The following RUNX1T1 variants were observed in gnomAD, a reference collection of about 807,000 sequenced individuals.
RUNX1T1 encodes the protein protein CBFA2T1.
In RUNX1T1, 4 loss-of-function variants were observed where a neutral mutation model predicts 62.8. That is an observed-to-expected ratio of 0.06 (90% CI 0.03 to 0.15). The LOEUF (loss-of-function observed/expected upper bound fraction) is 0.15. Ranked by LOEUF, RUNX1T1 falls within the 10% of genes least tolerant of loss-of-function variation. The pLI is 1.00. For missense variants in RUNX1T1, 508 were observed against 754.3 expected (o/e 0.67, Z 3.82); for synonymous variants, 291 against 286.0 (o/e 1.02, Z -0.18).
chr8:92,054,438 T>C (rs1215382526), intron 1 of RUNX1T1, among the ~76,000 whole-genome samples: 1 of 152,196 alleles, frequency 6.6e-6, no homozygotes, highest in African/African-American at 2.4e-5. Context: ...CATCGCTGTC[T>C]ATAAAGAGGT....
At chr8:92,100,106 T>C (rs1223250837), upstream of RUNX1T1, among the ~76,000 whole-genome samples, 1 of 152,182 alleles carries the variant, frequency 6.6e-6, no homozygotes, top group Non-Finnish European at 1.5e-5. Context: ...GTCCTTGCAA[T>C]TTAATAGTGC....
intron 10 of RUNX1T1, among the ~76,000 whole-genome samples, chr8:91,960,929 A>G (rs964631738): frequency 4.6e-5 from 7 of 152,226 alleles, no homozygotes; most frequent in Non-Finnish European, 8.8e-5. Flanking sequence ...TCTTCCTTTT[A>G]GATACCAAAA....
chr8:92,064,658 C>T (rs1377179280), upstream of RUNX1T1, among the ~76,000 whole-genome samples: 1 of 151,968 alleles, frequency 6.6e-6, no homozygotes, highest in Non-Finnish European at 1.5e-5. Flanking sequence ...AGAAAGAAAA[C>T]ATTTTCACAG....
chr8:92,095,552 G>A (rs1837668732), intron 1 of RUNX1T1: 2 of 1,460,222 alleles, frequency 1.4e-6, no homozygotes, highest in Non-Finnish European at 1.8e-6. Flanking sequence ...GCAGGGCCCA[G>A]ATGGAGGCAG....
chr8:92,000,332 G>A (rs914024194), intron 5 of RUNX1T1, among the ~76,000 whole-genome samples: 2 of 151,946 alleles, frequency 1.3e-5, no homozygotes, highest in Non-Finnish European at 1.5e-5. Flanking sequence ...ATAAATAAAT[G>A]TAATTTTGTG....
chr8:92,038,097 C>G (rs929235115), intron 1 of RUNX1T1, among the ~76,000 whole-genome samples: 1 of 149,918 alleles, frequency 6.7e-6, no homozygotes, highest in African/African-American at 2.5e-5. Flanking sequence ...GGGTCTCACT[C>G]TGTTGTACAG....
intron 1 of RUNX1T1, among the ~76,000 whole-genome samples, chr8:92,051,561 C>T (rs949537540): frequency 6.6e-6 from 1 of 151,912 alleles, no homozygotes; most frequent in African/African-American, 2.4e-5. Context: ...TGCTCTCTCT[C>T]TCTCACATAC....
At chr8:91,971,599 T>A (rs1216904753) in intron 9 of RUNX1T1, among the ~76,000 whole-genome samples, 1 of 152,308 alleles carries the variant, frequency 6.6e-6, no homozygotes, top group Middle Eastern at 3.4e-3. Flanking sequence ...GTAATATAAA[T>A]ATGTGCCTTT....
intron 1 of RUNX1T1, among the ~76,000 whole-genome samples, chr8:92,087,438 T>C (rs1343078898): frequency 2.0e-5 from 3 of 152,180 alleles, no homozygotes; most frequent in South Asian, 2.1e-4. Flanking sequence ...CTATTCCTAT[T>C]GTATAACCTA....
intron 5 of RUNX1T1, among the ~76,000 whole-genome samples, chr8:91,996,547 G>A (rs986847875): frequency 4.6e-5 from 7 of 152,104 alleles, no homozygotes; most frequent in South Asian, 2.1e-4. Flanking sequence ...TCCTTACCAG[G>A]AGACATTTTC....
chr8:92,072,548 A>G (rs1437314654), intron 2 of RUNX1T1, among the ~76,000 whole-genome samples: 1 of 152,260 alleles, frequency 6.6e-6, no homozygotes, highest in Admixed American at 6.5e-5. Flanking sequence ...AGACCAAAAG[A>G]GAGAAGAATA....
chr8:92,029,915 A>C (rs1010044660), intron 1 of RUNX1T1, among the ~76,000 whole-genome samples: 3 of 152,206 alleles, frequency 2.0e-5, no homozygotes, highest in Admixed American at 2.0e-4. Context: ...ATTCTTAAAA[A>C]TCACTACACT....
At chr8:91,990,061 G>A (rs1162796238) in intron 6 of RUNX1T1, among the ~76,000 whole-genome samples, 2 of 151,894 alleles carry the variant, frequency 1.3e-5, no homozygotes, top group African/African-American at 2.4e-5. Context: ...CATTTGGGGA[G>A]TTGGGTGTAG....
At chr8:91,961,075 T>C (rs1009226430) in intron 10 of RUNX1T1, among the ~76,000 whole-genome samples, 2 of 152,226 alleles carry the variant, frequency 1.3e-5, no homozygotes, top group Non-Finnish European at 2.9e-5. Flanking sequence ...TCTATGTCTT[T>C]AGTTCTTTCA....
intron 10 of RUNX1T1, among the ~76,000 whole-genome samples, chr8:91,968,841 G>C (rs1017954166): frequency 4.6e-5 from 7 of 152,132 alleles, no homozygotes; most frequent in Non-Finnish European, 8.8e-5. Context: ...CAAGGTTCAA[G>C]CCATATACTA....
chr8:91,955,202 C>G (rs1809176626), downstream of RUNX1T1: 1 of 219,080 alleles, frequency 4.6e-6, no homozygotes. Flanking sequence ...AAAACTGTTT[C>G]CTATTTGTCC....
At chr8:92,049,206 GGCTGTTTCTCAGCAA>G (rs1485059423) in intron 1 of RUNX1T1, among the ~76,000 whole-genome samples, 1 of 152,132 alleles carries the variant, frequency 6.6e-6, no homozygotes, top group Non-Finnish European at 1.5e-5. Context: ...GTTTCACAAA[GGCTGTTTCTCAGCAA>G]GGCAACTATC....
intron 1 of RUNX1T1, among the ~76,000 whole-genome samples, chr8:92,048,779 G>A (rs1219928008): frequency 3.3e-5 from 5 of 152,024 alleles, no homozygotes; most frequent in African/African-American, 1.2e-4. Context: ...AAAAACATGT[G>A]AGAGAAATGG....
At chr8:92,039,805 T>A (rs2130080024) in intron 1 of RUNX1T1, among the ~76,000 whole-genome samples, 1 of 152,272 alleles carries the variant, frequency 6.6e-6, no homozygotes, top group Admixed American at 6.5e-5. Context: ...TACCAACTGA[T>A]CATTGGAGCC....
Sources: gnomAD v4.1 joint callset for allele counts (sites outside exome capture counted in the v4.1 genomes callset) on GRCh38, gnomAD v4.1.1 for gene constraint, MANE v1.5 for transcripts, NCBI Gene and HGNC (gene_info 2026-07-23, HGNC 2026-07-21) for gene names.